The following UBE2Q1 variants were observed in gnomAD, a reference collection of about 807,000 sequenced individuals.
The protein encoded by UBE2Q1 is ubiquitin conjugating enzyme E2 Q1, also known as ubiquitin-conjugating enzyme E2 Q1.
A neutral mutation model predicts 60.1 loss-of-function variants in UBE2Q1; 6 were observed. That is an observed-to-expected ratio of 0.10 (90% CI 0.05 to 0.20). The LOEUF is 0.20. Ranked by LOEUF, UBE2Q1 falls within the 10% of genes least tolerant of loss-of-function variation. The pLI is 1.00. For synonymous variants in UBE2Q1, 226 were observed against 208.3 expected (o/e 1.09, Z -0.73); for missense variants, 262 against 525.8 (o/e 0.50, Z 4.91).
chr1:154,558,443 C>T lies in UBE2Q1; in HGVS notation c.111G>A (p.Pro37=), dbSNP rs1314159373. ...TCAGCTCTCGCCTCAGGCAGGGCCC[C>T]GGCCCCGGGCCCCCCCCTGGGCCGC... ...AGGGPGGGPG[P]GPCLRRELKL... is the part of the protein sequence containing the mutation. The change falls in exon 1 of 13, where the codon CCG becomes CCA. Residue 37 remains proline (P), a synonymous_variant. Coordinates refer to ENST00000292211, the MANE Select transcript of UBE2Q1 (RefSeq NM_017582.7). 2.7e-6 allele frequency: 4 copies of T among 1,475,964 alleles called. No homozygotes were observed. The highest frequency in any genetic ancestry group is 3.6e-6 in the Non-Finnish European group (4 of 1,117,440). The allele number at this position is 1,475,964 out of a possible 1,614,324, so 91.4% of individuals were successfully genotyped here. A position where few individuals can be genotyped will look rare whatever the true frequency, so the allele number is the denominator to read the frequency against.
rs907251523 is a variant in UBE2Q1 at position 154,550,031 on chromosome 1, T to C, written c.*407A>G. 4 of 165,402 alleles carry C rather than the reference T, an allele frequency of 2.4e-5. No individual in the cohort carries two copies. The highest frequency in any genetic ancestry group is 5.2e-5 in the Non-Finnish European group (4 of 76,996). 10.2% of individuals were successfully genotyped at this position (165,402 alleles called of 1,614,324 possible). ...TTTTCCCAAAGATACATTTTTTTCATACACATCCATCATACACTGTAACCA... is the reference window on the plus strand; with the variant it reads ...TTTTCCCAAAGATACATTTTTTTCACACACATCCATCATACACTGTAACCA... On this transcript the variant is annotated 3_prime_UTR_variant, in exon 13 of 13. Coordinates refer to ENST00000292211, the MANE Select transcript of UBE2Q1 (RefSeq NM_017582.7).
Position 154,552,734 on chromosome 1 carries a change from A to T in UBE2Q1, c.814+2T>A. The T allele has an allele frequency of 6.2e-7, 1 of 1,613,692 alleles. No homozygotes were observed. The highest frequency in any genetic ancestry group is 8.5e-7 in the Non-Finnish European group (1 of 1,179,806). The stretch of plus-strand genomic sequence containing the variant: ...GCAGGCCCCTCTCTGGGGCAAACTC[A>T]CCGCCTTTGAAACTCTGTGATCGGT... On this transcript the variant is annotated splice_donor_variant, in intron 6 of 12. Transcript: ENST00000292211. LOFTEE classifies it high-confidence loss of function.
intron 1 of UBE2Q1, 31 bp downstream of exon 1, chr1:154,558,196 C>T (rs1695925815): frequency 6.8e-7 from 1 of 1,480,544 alleles, no homozygotes; most frequent in Non-Finnish European, 9.0e-7. Context: ...ACAAGGGGCC[C>T]CCACAGAGGC....
Position 154,554,774 on chromosome 1 carries a change from T to C in UBE2Q1, c.549A>G (p.Glu183=). The change falls in exon 4 of 13, where the codon GAA becomes GAG. Residue 183 remains glutamate (E), a synonymous_variant. Coordinates refer to ENST00000292211, the MANE Select transcript of UBE2Q1 (RefSeq NM_017582.7). Reference sequence around the variant, plus strand: ...CATCTTCATCTTCTGAAGACACGTCTTCCTGTGTGCACTGCAGCAAGGAAG... The same window carrying C: ...CATCTTCATCTTCTGAAGACACGTCCTCCTGTGTGCACTGCAGCAAGGAAG... ...QPLPAEQCTQ[E]DVSSEDEDEE... The C allele has an allele frequency of 1.2e-6, 2 of 1,613,646 alleles. No homozygotes were observed. The highest frequency in any genetic ancestry group is 1.1e-5 in the South Asian group (1 of 91,022).
chr1:154,550,869 CTG>C, intron 12 of UBE2Q1, 67 bp downstream of exon 12: 1 of 1,612,978 alleles, frequency 6.2e-7, no homozygotes, highest in South Asian at 1.1e-5. Flanking sequence ...GGTTCTTGCT[CTG>C]TGGCTGGAAG....
chr1:154,554,634 A>G (rs1291206449), intron 4 of UBE2Q1, 101 bp downstream of exon 4: 8 of 1,235,580 alleles, frequency 6.5e-6, no homozygotes, highest in Non-Finnish European at 9.2e-6. Context: ...TTCCTTTGAT[A>G]TTTTTCTCTC....
At chr1:154,552,269 C>A (rs926880945) in intron 7 of UBE2Q1, 86 bp from the exon 8 acceptor site, 2 of 1,592,862 alleles carry the variant, frequency 1.3e-6, no homozygotes, top group African/African-American at 2.7e-5. Context: ...GGCAGCAGAC[C>A]ACGAAACCAC....
At chr1:154,551,655 CCAG>C (rs1695792100) in intron 10 of UBE2Q1, 113 bp downstream of exon 10, 1 of 1,513,024 alleles carries the variant, frequency 6.6e-7, no homozygotes. Context: ...CAGACCCAGC[CCAG>C]CAGAATGAAA....
At chr1:154,555,140 C>T (rs1695860340) in intron 3 of UBE2Q1, 1 of 552,778 alleles carries the variant, frequency 1.8e-6, no homozygotes, top group East Asian at 3.0e-5. Flanking sequence ...TCCCCAGTGG[C>T]CACCAACTGT....
At chr1:154,551,881 T>C (rs1695795649) in intron 9 of UBE2Q1, 40 bp downstream of exon 9, 1 of 1,614,030 alleles carries the variant, frequency 6.2e-7, no homozygotes, top group Non-Finnish European at 8.5e-7. Context: ...CCCCGCCCTC[T>C]GCCAGAGGAG....
rs746801165 is a variant in UBE2Q1, at chr1:154,551,780, G to A, written c.1065C>T (p.Leu355=). ...LGGGAICMEL[L]TKQGWSSAYS... is the part of the protein sequence containing the mutation. ...GGAGAGACAGGCTCACCTGTTTGGTGAGAAGTTCCATGCAGATGGCCCCTC... is the reference window on the plus strand; with the variant it reads ...GGAGAGACAGGCTCACCTGTTTGGTAAGAAGTTCCATGCAGATGGCCCCTC... The change falls in exon 10 of 13, where the codon CTC becomes CTT. Residue 355 remains leucine (L), a synonymous_variant. Transcript: ENST00000292211. The A allele has an allele frequency of 3.1e-6, 5 of 1,614,224 alleles. No homozygotes were observed. The highest frequency in any genetic ancestry group is 2.2e-5 in the South Asian group (2 of 91,090).
At chr1:154,556,703 G>A (rs983405663) in intron 1 of UBE2Q1, among the ~76,000 whole-genome samples, 4 of 152,186 alleles carry the variant, frequency 2.6e-5, no homozygotes, top group African/African-American at 7.2e-5. Context: ...AAACCAAGGG[G>A]GCTAGTTTAG....
chr1:154,551,170 C>A, intron 11 of UBE2Q1, 166 bp from the exon 12 acceptor site: 1 of 887,340 alleles, frequency 1.1e-6, no homozygotes, highest in African/African-American at 1.7e-5. Flanking sequence ...AGGCATAATC[C>A]CATAGTCTTC....
chr1:154,554,301 GAT>G (rs112510576), intron 4 of UBE2Q1, among the ~76,000 whole-genome samples: 6,244 of 152,222 alleles, frequency 0.041, 317 homozygotes, highest in African/African-American at 0.12. Flanking sequence ...GAATATATCA[GAT>G]AGATTGTTTA....
Position 154,550,622 on chromosome 1 carries a change from T to G in UBE2Q1, c.1238-153A>C, listed in dbSNP as rs1470332809. 4.1e-6 allele frequency: 4 copies of G among 985,154 alleles called. 1 individual carries two copies. The highest frequency in any genetic ancestry group is 1.0e-3 in the Middle Eastern group (2 of 1,936). 61.0% of individuals were successfully genotyped at this position (985,154 alleles called of 1,614,324 possible). On this transcript the variant is annotated intron_variant, in intron 12 of 12. Transcript: ENST00000292211. ...AGAGGTGTATGGGAAGCTGAGAGCC[T>G]GCATACCTGGAGATGAGAAGGGGGA...
chr1:154,555,922 C>T lies in UBE2Q1; in HGVS notation c.370G>A (p.Asp124Asn). 6.2e-7 allele frequency: 1 copy of T among 1,614,140 alleles called. No individual in the cohort carries two copies. ...AVPPIWSVES[D>N]DPNLAAVLER... The stretch of plus-strand genomic sequence containing the variant: ...AAGACAGCAGCCAAGTTAGGGTCAT[C>T]AGACTCCACCGACCAGATGGGGGGC... Residue 124 changes from aspartate to asparagine, a missense_variant, in exon 2 of 13, where the codon GAT becomes AAT. Asp to Asn is a conservative substitution (Grantham distance 23, BLOSUM62 1). Transcript: ENST00000292211.
chr1:154,551,866 C>T, intron 9 of UBE2Q1, 47 bp from the exon 10 acceptor site: 10 of 1,614,212 alleles, frequency 6.2e-6, no homozygotes, highest in Non-Finnish European at 8.5e-6. Flanking sequence ...ATCTCCAAGT[C>T]TCTTCCCCGC....
chr1:154,556,469 A>G (rs1364262318), intron 1 of UBE2Q1, among the ~76,000 whole-genome samples: 1 of 152,224 alleles, frequency 6.6e-6, no homozygotes, highest in Non-Finnish European at 1.5e-5. Context: ...AGAACCCAAG[A>G]GTAAAAGGGT....
chr1:154,554,088 G>A (rs1469751877), intron 4 of UBE2Q1, among the ~76,000 whole-genome samples: 8 of 152,154 alleles, frequency 5.3e-5, no homozygotes, highest in African/African-American at 7.2e-5. Flanking sequence ...CCTAGGTGCC[G>A]CAGATACTAG....
Sources: allele counts gnomAD v4.1 joint callset (sites outside exome capture counted in the v4.1 genomes callset), GRCh38; gene constraint gnomAD v4.1.1; transcripts MANE v1.5; gene names NCBI Gene and HGNC (gene_info 2026-07-23, HGNC 2026-07-21).